The following TG variants were observed in gnomAD, a reference collection of about 807,000 sequenced individuals.
TG encodes thyroid hormones.
In TG, 270 loss-of-function variants were observed where a neutral mutation model predicts 324.7. That is an observed-to-expected ratio of 0.83 (90% CI 0.75 to 0.92). The LOEUF is 0.92. Ranked by LOEUF, TG falls within the 40% of genes least tolerant of loss-of-function variation. The pLI, the probability that TG is intolerant of heterozygous loss-of-function variation, is 0.00. For synonymous variants in TG, 1,401 were observed against 1,327.0 expected, an observed-to-expected ratio of 1.06 and a Z score of -1.21; for missense variants, 3,591 against 3,456.4, an observed-to-expected ratio of 1.04 and a Z score of -0.98.
chr8:132,903,271 G>A (rs1433169677), intron 16 of TG, among the ~76,000 whole-genome samples: 1 of 152,232 alleles, frequency 6.6e-6, no homozygotes, highest in African/African-American at 2.4e-5. Context: ...CATTTGTAAA[G>A]GCTTCATCAT....
At chr8:132,915,896 G>GA (rs1563950289) in intron 20 of TG, among the ~76,000 whole-genome samples, 1 of 152,154 alleles carries the variant, frequency 6.6e-6, no homozygotes, top group East Asian at 1.9e-4. Flanking sequence ...CAAAGGGTTG[G>GA]AAAGATCCAG....
intron 44 of TG, among the ~76,000 whole-genome samples, chr8:133,115,325 T>C (rs1850589403): frequency 6.6e-6 from 1 of 152,160 alleles, no homozygotes; most frequent in African/African-American, 2.4e-5. Context: ...GGCAGTTTCC[T>C]GGGCAGTGTC....
chr8:132,991,596 A>T (rs917638648), intron 35 of TG, among the ~76,000 whole-genome samples: 1 of 152,228 alleles, frequency 6.6e-6, no homozygotes, highest in South Asian at 2.1e-4. Context: ...TCACTATTTC[A>T]TCAGAAAAGT....
intron 40 of TG, among the ~76,000 whole-genome samples, chr8:133,026,379 C>T (rs1344928205): frequency 6.6e-6 from 1 of 152,186 alleles, no homozygotes; most frequent in African/African-American, 2.4e-5. Context: ...GCAAGCCCAG[C>T]CCAGTGTTTA....
chr8:133,066,859 G>T (rs1446053085), intron 41 of TG, among the ~76,000 whole-genome samples: 1 of 152,242 alleles, frequency 6.6e-6, no homozygotes, highest in Non-Finnish European at 1.5e-5. Context: ...ACCAAAGCTA[G>T]ATCCCGTGCA....
At chr8:133,050,039 C>A (rs1321071266) in intron 41 of TG, 2 of 1,182,544 alleles carry the variant, frequency 1.7e-6, no homozygotes, top group Non-Finnish European at 1.3e-6. Flanking sequence ...ATAGCAAAAC[C>A]AAAGGATGAA....
intron 10 of TG, among the ~76,000 whole-genome samples, chr8:132,890,065 A>G (rs1816012810): frequency 6.6e-6 from 1 of 152,086 alleles, no homozygotes; most frequent in Non-Finnish European, 1.5e-5. Flanking sequence ...TACTTTAGTG[A>G]CTAGTCTTAC....
chr8:133,071,384 C>T (rs1239869457), intron 41 of TG, among the ~76,000 whole-genome samples: 1 of 152,214 alleles, frequency 6.6e-6, no homozygotes, highest in East Asian at 1.9e-4. Context: ...CTCCCAGCTA[C>T]CGTGTCCTTA....
chr8:133,066,325 C>CAAA (rs11395047), intron 41 of TG, among the ~76,000 whole-genome samples: 1,383 of 86,842 alleles, frequency 0.016, 53 homozygotes, highest in African/African-American at 0.033. Context: ...GACTCTGTCT[C>CAAA]AAAAAAAAAA....
At chr8:133,039,899 A>G in intron 41 of TG, 5 of 1,483,482 alleles carry the variant, frequency 3.4e-6, no homozygotes, top group Non-Finnish European at 2.7e-6. Context: ...CATGGTTTTC[A>G]TGTGCTCGGC....
intron 22 of TG, among the ~76,000 whole-genome samples, chr8:132,924,748 A>G (rs1821588511): frequency 6.6e-6 from 1 of 152,208 alleles, no homozygotes; most frequent in Admixed American, 6.5e-5. Context: ...CACCCTCAGC[A>G]GTTTCTTCGT....
At chr8:133,038,452 T>C in intron 41 of TG, 1 of 1,280,330 alleles carries the variant, frequency 7.8e-7, no homozygotes, top group Non-Finnish European at 1.1e-6. Flanking sequence ...GGAACCTCGC[T>C]TTTCGCAAGA....
intron 16 of TG, among the ~76,000 whole-genome samples, chr8:132,901,864 AC>A (rs1325666509): frequency 6.6e-6 from 1 of 152,124 alleles, no homozygotes; most frequent in Non-Finnish European, 1.5e-5. Context: ...GGGGAGAAGG[AC>A]CGTGGTTGCA....
chr8:132,969,769 G>C (rs775997546), intron 32 of TG, among the ~76,000 whole-genome samples, 200 bp downstream of exon 32: 160 of 151,868 alleles, frequency 1.1e-3, no homozygotes, highest in Non-Finnish European at 2.2e-4. Flanking sequence ...AAATTAGCTG[G>C]GCATGGTGGC....
intron 26 of TG, among the ~76,000 whole-genome samples, chr8:132,943,286 G>T (rs1755126771): frequency 1.3e-5 from 2 of 152,144 alleles, no homozygotes; most frequent in Non-Finnish European, 2.9e-5. Flanking sequence ...ATCCTTAAAA[G>T]TATATGCCAC....
intron 34 of TG, among the ~76,000 whole-genome samples, chr8:132,979,775 C>A (rs758845567): frequency 6.6e-5 from 10 of 152,142 alleles, no homozygotes; most frequent in Non-Finnish European, 1.5e-4. Context: ...CCCACACCAA[C>A]CAATTCTTCA....
At chr8:132,901,607 C>A in intron 16 of TG, 54 bp downstream of exon 16, 3 of 1,570,422 alleles carry the variant, frequency 1.9e-6, no homozygotes, top group South Asian at 1.2e-5. Flanking sequence ...GTTCTTTGAT[C>A]CAGACTGGGT....
chr8:133,107,634 C>T (rs1000418595), intron 43 of TG, among the ~76,000 whole-genome samples: 1 of 152,216 alleles, frequency 6.6e-6, no homozygotes, highest in Non-Finnish European at 1.5e-5. Context: ...TTCCCTTGCA[C>T]CCCAGTGGGG....
chr8:133,112,181 G>A (rs1850310261), intron 43 of TG, among the ~76,000 whole-genome samples: 1 of 152,284 alleles, frequency 6.6e-6, no homozygotes, highest in Admixed American at 6.5e-5. Flanking sequence ...TGCTTACCCA[G>A]GAGGGATTGC....
Sources: allele counts gnomAD v4.1 joint callset (sites outside exome capture counted in the v4.1 genomes callset), GRCh38; gene constraint gnomAD v4.1.1; transcripts MANE v1.5; gene names NCBI Gene and HGNC (gene_info 2026-07-23, HGNC 2026-07-21).